PIEZO2: variants seen among roughly 807,000 people sequenced by gnomAD.
PIEZO2 encodes the protein piezo-type mechanosensitive ion channel component 2.
Under a neutral mutation model 337.3 loss-of-function variants are expected in PIEZO2, and 172 were observed. The observed-to-expected ratio is 0.51, with a 90% confidence interval of 0.45 to 0.58. The LOEUF (loss-of-function observed/expected upper bound fraction) is 0.58. PIEZO2 is among the 20% of genes least tolerant of loss of function. PIEZO2 has a pLI of 0.00. For synonymous variants in PIEZO2, 1,251 were observed against 1,228.5 expected (o/e 1.02, Z -0.38); for missense variants, 3,028 against 3,391.3 (o/e 0.89, Z 2.66).
Position 11,061,978 on chromosome 18 carries a change from T to G in PIEZO2, c.160+4149A>C, listed in dbSNP as rs2037977987. 2.0e-5 allele frequency among the ~76,000 whole-genome samples: 3 copies of G among 152,184 alleles called. No homozygotes were observed. In the South Asian group the frequency reaches 6.2e-4, roughly 32 times the overall value. On this transcript the variant is annotated intron_variant, in intron 2 of 55. Coordinates refer to ENST00000674853, the MANE Select transcript of PIEZO2 (RefSeq NM_001378183.1). Reference sequence around the variant, plus strand: ...CAATCCTGAGCCAAAAGAACAAAGCTGGAGGCATCATGCTACCTGACTTCG... The same window carrying G: ...CAATCCTGAGCCAAAAGAACAAAGCGGGAGGCATCATGCTACCTGACTTCG...
In PIEZO2 at chr18:10,861,799, C is replaced by A. The variant is rs146367489; in HGVS notation, c.493-4588G>T. Among the ~76,000 whole-genome samples the A allele has an allele frequency of 0.012, 1,882 of 152,302 alleles. 43 individuals are homozygous for A. The highest frequency in any genetic ancestry group is 0.043 in the African/African-American group (1,783 of 41,574). On this transcript the variant is annotated intron_variant, in intron 5 of 55. Transcript: ENST00000674853. This position sits in a 1 kb window ranked among gnomAD's most constrained non-coding sequence, Gnocchi z 4.3. Reference sequence around the variant, plus strand: ...TTGGGAAGCTGAGGCAGGTGGATCACCTGAGGTCAGGAGATCGAGACCTGC... The same window carrying A: ...TTGGGAAGCTGAGGCAGGTGGATCAACTGAGGTCAGGAGATCGAGACCTGC...
intron 21 of PIEZO2, among the ~76,000 whole-genome samples, chr18:10,764,086 C>T (rs58122246): frequency 0.32 from 49,296 of 151,994 alleles, 8,720 homozygotes; most frequent in African/African-American, 0.47. Flanking sequence ...GTTGATCAGG[C>T]CAGATGTTCC....
chr18:10,834,568 G>A lies in PIEZO2; in HGVS notation c.917+20785C>T, dbSNP rs889544557. On this transcript the variant is annotated intron_variant, in intron 7 of 55. Transcript: ENST00000674853. This position sits in a 1 kb window ranked among gnomAD's most constrained non-coding sequence, Gnocchi z 4.5. The stretch of plus-strand genomic sequence containing the variant: ...AACAGAATGTGATTGAATCCCTGCT[G>A]GGTGTCAGGCACTTGACACCCACAG... 2.0e-5 allele frequency among the ~76,000 whole-genome samples: 3 copies of A among 152,126 alleles called. No homozygotes were observed. The highest frequency in any genetic ancestry group is 7.2e-5 in the African/African-American group (3 of 41,410).
Position 10,828,683 on chromosome 18 carries a change from A to G in PIEZO2, c.918-21409T>C, listed in dbSNP as rs2144521088. On this transcript the variant is annotated intron_variant, in intron 7 of 55. Coordinates refer to ENST00000674853, the MANE Select transcript of PIEZO2 (RefSeq NM_001378183.1). The surrounding 1 kb of genome is among the most constrained non-coding windows in gnomAD (Gnocchi z 4.1). ...CACCATGCGGGTGGCAATACTGGTC[A>G]TATGTTCAGAGGAACTCTACTGTCT... Among the ~76,000 whole-genome samples the G allele has an allele frequency of 6.6e-6, 1 of 152,172 alleles. No individual in the cohort carries two copies. The highest frequency in any genetic ancestry group is 1.9e-4 in the East Asian group (1 of 5,194).
chr18:10,731,095 C>T (rs1246613311), intron 36 of PIEZO2, among the ~76,000 whole-genome samples: 1 of 148,280 alleles, frequency 6.7e-6, no homozygotes, highest in Non-Finnish European at 1.5e-5. Context: ...TTTTTTATTA[C>T]TTAATATCCA....
At position 10,895,304 on chromosome 18, in the gene PIEZO2, G is replaced by C; in HGVS notation, c.329+15882C>G. Among the ~76,000 whole-genome samples the C allele has an allele frequency of 6.6e-6, 1 of 152,036 alleles. No homozygotes were observed. Among genetic ancestry groups the C allele is most frequent in the South Asian group, 2.1e-4 (1 of 4,820 alleles). On this transcript the variant is annotated intron_variant, in intron 4 of 55. Transcript: ENST00000674853. This position sits in a 1 kb window ranked among gnomAD's most constrained non-coding sequence, Gnocchi z 4.8. ...CTACTAAAAATACAAAAATTAGCTGGGTATGTTGGTGCGCACCTGTAATAA... is the reference window on the plus strand; with the variant it reads ...CTACTAAAAATACAAAAATTAGCTGCGTATGTTGGTGCGCACCTGTAATAA...
chr18:10,802,161 T>C (rs1040952561), intron 9 of PIEZO2, among the ~76,000 whole-genome samples: 5 of 151,492 alleles, frequency 3.3e-5, no homozygotes, highest in African/African-American at 1.2e-4. Flanking sequence ...TATTTTAAGA[T>C]TTGCATACTG....
Position 11,092,497 on chromosome 18 carries a change from G to A in PIEZO2, c.65-26275C>T, listed in dbSNP as rs7233931. 0.29 allele frequency among the ~76,000 whole-genome samples: 43,470 copies of A among 152,008 alleles called. 6,552 individuals carry two copies. Among genetic ancestry groups the A allele is most frequent in the South Asian group, 0.46 (2,228 of 4,818 alleles). On this transcript the variant is annotated intron_variant, in intron 1 of 55. Transcript: ENST00000674853. This position sits in a 1 kb window ranked among gnomAD's most constrained non-coding sequence, Gnocchi z 4.5. ...AGTTTAGAAACGATTTGTATTCCGT[G>A]GTTACAGATTTTAGTCTATATTTTC... is the stretch of plus-strand genomic sequence containing the variant.
rs533660608 is a variant in PIEZO2, at chr18:11,087,946, A to G, written c.65-21724T>C. Among the ~76,000 whole-genome samples, 4 of 152,310 alleles carry G rather than the reference A, an allele frequency of 2.6e-5. No individual in the cohort carries two copies. In the East Asian group the frequency reaches 7.7e-4, roughly 29 times the overall value. On this transcript the variant is annotated intron_variant, in intron 1 of 55. Transcript: ENST00000674853. ...TTGCTTCATTTCTGTTTCTCTGTTC[A>G]CCTTCAAATGAAGAATGCTGCTTCC... is the stretch of plus-strand genomic sequence containing the variant.
intron 14 of PIEZO2, 66 bp from the exon 15 acceptor site, chr18:10,789,431 T>C (rs2039339059): frequency 6.8e-7 from 1 of 1,468,314 alleles, no homozygotes; most frequent in African/African-American, 1.4e-5. Flanking sequence ...TTTGACCATG[T>C]GATAGGTATA....
At chr18:11,024,103 C>T (rs868807629) in intron 2 of PIEZO2, among the ~76,000 whole-genome samples, 46 of 152,350 alleles carry the variant, frequency 3.0e-4, no homozygotes, top group African/African-American at 1.1e-3. Flanking sequence ...CACAGTGCAG[C>T]GGTGAGCTGA....
rs559793926 is a variant in PIEZO2 at position 11,033,639 on chromosome 18, C to G, written c.160+32488G>C. ...AAAAAAGCTAGTCTGAAAACATAAA[C>G]CATATAACGAGTCAGACATATATAG... On this transcript the variant is annotated intron_variant, in intron 2 of 55. Coordinates refer to ENST00000674853, the MANE Select transcript of PIEZO2 (RefSeq NM_001378183.1). The surrounding 1 kb of genome is among the most constrained non-coding windows in gnomAD (Gnocchi z 4.2). 2.9e-4 allele frequency among the ~76,000 whole-genome samples: 44 copies of G among 152,164 alleles called. No homozygotes were observed. Among genetic ancestry groups the G allele is most frequent in the South Asian group, 6.2e-4 (3 of 4,814 alleles).
chr18:10,778,676 T>A (rs2038875901), intron 18 of PIEZO2, among the ~76,000 whole-genome samples: 1 of 152,108 alleles, frequency 6.6e-6, no homozygotes, highest in Admixed American at 6.5e-5. Context: ...AAATAGGAGA[T>A]TTCACTGGAA....
At chr18:10,910,417 T>C (rs1037775916) in intron 4 of PIEZO2, among the ~76,000 whole-genome samples, 2 of 152,066 alleles carry the variant, frequency 1.3e-5, no homozygotes, top group Admixed American at 6.6e-5. Flanking sequence ...ACCCTGTCTC[T>C]ACTAAAAATA....
In PIEZO2 at chr18:10,988,180, C is replaced by T. The variant is rs549787292; in HGVS notation, c.161-8520G>A. Among the ~76,000 whole-genome samples the T allele has an allele frequency of 1.3e-5, 2 of 152,208 alleles. No individual in the cohort carries two copies. The highest frequency in any genetic ancestry group is 2.4e-5 in the African/African-American group (1 of 41,548). Reference sequence around the variant, plus strand: ...ATTCATTCCCGTTCAGCCATTTTGCCATGTGAGGACACAGTGTCCATCCCC... The same window carrying T: ...ATTCATTCCCGTTCAGCCATTTTGCTATGTGAGGACACAGTGTCCATCCCC... On this transcript the variant is annotated intron_variant, in intron 2 of 55. Coordinates refer to ENST00000674853, the MANE Select transcript of PIEZO2 (RefSeq NM_001378183.1). The surrounding 1 kb of genome is among the most constrained non-coding windows in gnomAD (Gnocchi z 4.8).
chr18:10,812,624 A>G (rs35251871), intron 7 of PIEZO2, among the ~76,000 whole-genome samples: 43,366 of 151,934 alleles, frequency 0.29, 6,615 homozygotes, highest in East Asian at 0.57. Flanking sequence ...CTTCCCCCTG[A>G]GGTCCAGCGC....
At position 10,929,847 on chromosome 18, in the gene PIEZO2, G is replaced by A. The variant is rs193204885; in HGVS notation, c.287-18619C>T. Among the ~76,000 whole-genome samples, 1 of 152,236 alleles carries A rather than the reference G, an allele frequency of 6.6e-6. No individual in the cohort carries two copies. The highest frequency in any genetic ancestry group is 2.4e-5 in the African/African-American group (1 of 41,548). ...AAAAATAAAATTCTAAGGCCCCCAA[G>A]AGACTGAATGGACTGCCCCTCAGCC... On this transcript the variant is annotated intron_variant, in intron 3 of 55. Coordinates refer to ENST00000674853, the MANE Select transcript of PIEZO2 (RefSeq NM_001378183.1). This position sits in a 1 kb window ranked among gnomAD's most constrained non-coding sequence, Gnocchi z 5.6.
intron 47 of PIEZO2, among the ~76,000 whole-genome samples, chr18:10,695,362 G>A (rs563491745): frequency 1.3e-5 from 2 of 152,286 alleles, no homozygotes; most frequent in South Asian, 2.1e-4. Flanking sequence ...GGGAACTGAA[G>A]GTCAACACCC....
chr18:10,742,636 A>G, intron 31 of PIEZO2, 21 bp from the exon 32 acceptor site: 1 of 1,536,524 alleles, frequency 6.5e-7, no homozygotes, highest in Non-Finnish European at 8.7e-7. Flanking sequence ...AAATAACATT[A>G]GTAATGCCAA....
Sources: allele counts gnomAD v4.1 joint callset (sites outside exome capture counted in the v4.1 genomes callset), GRCh38; gene constraint gnomAD v4.1.1; non-coding constraint Gnocchi (gnomAD v3.1); transcripts MANE v1.5; gene names NCBI Gene and HGNC (gene_info 2026-07-23, HGNC 2026-07-21).